The following ANO3 variants were observed in gnomAD, a reference collection of about 807,000 sequenced individuals.
The protein encoded by ANO3 is anoctamin-3.
A neutral mutation model predicts 144.8 loss-of-function variants in ANO3; 99 were observed. The ratio of observed to expected loss-of-function variants is 0.68; its 90% confidence interval spans 0.58 to 0.81. The LOEUF (loss-of-function observed/expected upper bound fraction) is 0.81, where lower values mean the gene tolerates loss of function less well. ANO3 is among the 30% of genes least tolerant of loss of function. ANO3 has a pLI of 0.00. For synonymous variants in ANO3, 414 were observed against 392.6 expected (o/e 1.05, Z -0.64); for missense variants, 905 against 1,202.2 (o/e 0.75, Z 3.66).
chr11:26,406,950 A>G (rs1173127259), intron 1 of ANO3, among the ~76,000 whole-genome samples: 1 of 147,226 alleles, frequency 6.8e-6, no homozygotes, highest in African/African-American at 2.5e-5. Flanking sequence ...CTGTGTATAT[A>G]TACATATATA....
At chr11:26,251,258 T>A (rs948583256) in intron 1 of ANO3, among the ~76,000 whole-genome samples, 2 of 152,190 alleles carry the variant, frequency 1.3e-5, no homozygotes, top group African/African-American at 2.4e-5. Context: ...ATGAAAGCTT[T>A]CTAACTGAAA....
chr11:26,660,707 T>C lies in ANO3; in HGVS notation c.*263T>C, dbSNP rs901520931. On this transcript the variant is annotated 3_prime_UTR_variant, in exon 27 of 27. Transcript: ENST00000256737. ...ATTCTCAGAACCAGTCTCAGGGAGA[T>C]ATATGCTTGGAGAACTCTGCCTTCC... 6 of 359,932 alleles carry C rather than the reference T, an allele frequency of 1.7e-5. No individual in the cohort carries two copies. Among genetic ancestry groups the C allele is most frequent in the Non-Finnish European group, 2.5e-5 (5 of 201,578 alleles). 22.3% of individuals were successfully genotyped at this position (359,932 alleles called of 1,614,324 possible).
intron 3 of ANO3, among the ~76,000 whole-genome samples, chr11:26,444,110 G>A (rs865807638): frequency 5.3e-5 from 8 of 152,088 alleles, no homozygotes; most frequent in Admixed American, 1.3e-4. Flanking sequence ...AGAACATATA[G>A]TCTACTATTT....
At chr11:26,527,299 T>C (rs986116066) in intron 7 of ANO3, among the ~76,000 whole-genome samples, 3 of 152,124 alleles carry the variant, frequency 2.0e-5, no homozygotes, top group Non-Finnish European at 4.4e-5. Context: ...ATCTTTTGTG[T>C]TTCTTATTTT....
chr11:26,472,783 C>T (rs1859829183), intron 4 of ANO3, among the ~76,000 whole-genome samples: 1 of 151,880 alleles, frequency 6.6e-6, no homozygotes, highest in Non-Finnish European at 1.5e-5. Context: ...CTCCCCATGT[C>T]ATCTTTCTCC....
chr11:26,496,728 G>A (rs770028062), intron 4 of ANO3, among the ~76,000 whole-genome samples: 7 of 151,822 alleles, frequency 4.6e-5, no homozygotes, highest in South Asian at 4.2e-4. Context: ...CTCTATATTC[G>A]TGTGTACATA....
chr11:26,639,660 G>A (rs1343905237), intron 21 of ANO3, among the ~76,000 whole-genome samples: 1 of 152,092 alleles, frequency 6.6e-6, no homozygotes, highest in African/African-American at 2.4e-5. Context: ...ATAAAGCAAA[G>A]ATCAAATCCT....
At position 26,538,433 on chromosome 11, in the gene ANO3, C is replaced by T. The variant is rs149525077; in HGVS notation, c.1032+972C>T. Among the ~76,000 whole-genome samples, 923 of 152,204 alleles carry T rather than the reference C, an allele frequency of 6.1e-3. 6 individuals are homozygous for T. Among genetic ancestry groups the T allele is most frequent in the Non-Finnish European group, 7.9e-3 (534 of 68,020 alleles). ...ACCAGGCCTTGTGCATGTATTTTCC[C>T]GTTATTCTGAACATAACCCTGGAGG... On this transcript the variant is annotated intron_variant, in intron 10 of 26. Transcript: ENST00000256737.
chr11:26,221,388 G>C (rs1852140565), intron 1 of ANO3, among the ~76,000 whole-genome samples: 1 of 152,178 alleles, frequency 6.6e-6, no homozygotes, highest in Non-Finnish European at 1.5e-5. Context: ...GCCTGTGACA[G>C]AATGAGATCC....
intron 3 of ANO3, among the ~76,000 whole-genome samples, chr11:26,459,132 G>A (rs1244499646): frequency 6.6e-6 from 1 of 152,096 alleles, no homozygotes; most frequent in African/African-American, 2.4e-5. Context: ...ATAACCTGGT[G>A]CAGCTGGATT....
At chr11:26,576,354 T>G (rs890484707) in intron 14 of ANO3, among the ~76,000 whole-genome samples, 1 of 152,146 alleles carries the variant, frequency 6.6e-6, no homozygotes, top group Admixed American at 6.5e-5. Context: ...TCAAACTCAA[T>G]TAGACTTAAT....
chr11:26,465,442 C>A (rs1030021918), intron 4 of ANO3, among the ~76,000 whole-genome samples: 5 of 151,636 alleles, frequency 3.3e-5, no homozygotes, highest in African/African-American at 1.2e-4. Context: ...AAAAGTTACT[C>A]ATTTGCAAAG....
intron 8 of ANO3, 100 bp downstream of exon 8, chr11:26,531,436 A>G: frequency 6.8e-6 from 9 of 1,322,408 alleles, no homozygotes; most frequent in Non-Finnish European, 9.3e-6. Context: ...TTTACCAAAT[A>G]CGTCAGAGAA....
upstream of ANO3, among the ~76,000 whole-genome samples, chr11:26,330,967 A>G (rs1855022819): frequency 6.6e-6 from 1 of 152,242 alleles, no homozygotes; most frequent in Admixed American, 6.5e-5. Flanking sequence ...TGTCTGTTCA[A>G]TAACATCTTA....
At chr11:26,377,721 AC>A (rs1373684476) in intron 1 of ANO3, among the ~76,000 whole-genome samples, 1 of 152,096 alleles carries the variant, frequency 6.6e-6, no homozygotes, top group Non-Finnish European at 1.5e-5. Flanking sequence ...ACATATCTAG[AC>A]CCATTGTAGT....
chr11:26,275,571 G>A (rs967666628), intron 1 of ANO3, among the ~76,000 whole-genome samples: 2 of 152,078 alleles, frequency 1.3e-5, no homozygotes, highest in Non-Finnish European at 2.9e-5. Context: ...ACCATGAGGA[G>A]GTCCTCATCC....
At position 26,332,301 on chromosome 11, in the gene ANO3, A is replaced by T; in HGVS notation, c.26A>T (p.Gln9Leu). 6.2e-7 allele frequency: 1 copy of T among 1,613,948 alleles called. No homozygotes were observed. The highest frequency in any genetic ancestry group is 8.5e-7 in the Non-Finnish European group (1 of 1,179,984). ...ATGGTCCACCATTCAGGCTCCATTC[A>T]GTCCTTTAAACAGCAAAAAGGTCAG... MVHHSGSI[Q>L]SFKQQKGMNI... is the part of the protein sequence containing the mutation. The change falls in exon 1 of 27, where the codon CAG becomes CTG. Residue 9 changes from glutamine to leucine, a missense_variant. Coordinates refer to ENST00000256737, the MANE Select transcript of ANO3 (RefSeq NM_031418.4).
At chr11:26,508,444 A>G in intron 5 of ANO3, 182 bp downstream of exon 5, 1 of 490,980 alleles carries the variant, frequency 2.0e-6, no homozygotes. Context: ...TTTAATCTAT[A>G]TAATTCTGTA....
At chr11:26,656,073 G>A (rs1329834905) in intron 24 of ANO3, 52 bp from the exon 25 acceptor site, 9 of 1,358,234 alleles carry the variant, frequency 6.6e-6, no homozygotes, top group Admixed American at 1.8e-5. Flanking sequence ...AAAATAATTA[G>A]GCTAGAAACG....
Sources: allele counts gnomAD v4.1 joint callset (sites outside exome capture counted in the v4.1 genomes callset), GRCh38; gene constraint gnomAD v4.1.1; transcripts MANE v1.5; gene names NCBI Gene and HGNC (gene_info 2026-07-23, HGNC 2026-07-21).